The following KRTAP9-4 variants were observed in gnomAD, a reference collection of about 807,000 sequenced individuals.
KRTAP9-4 encodes the protein keratin-associated protein 9-4.
In KRTAP9-4, 8 loss-of-function variants were observed where a neutral mutation model predicts 12.7. The observed-to-expected ratio is 0.63, with a 90% CI of 0.37 to 1.14. The LOEUF is 1.14. Ranked by LOEUF, KRTAP9-4 falls within the 50% of genes most tolerant of loss-of-function variation. The pLI, the probability that KRTAP9-4 is intolerant of heterozygous loss-of-function variation, is 0.01. For synonymous variants in KRTAP9-4, 81 were observed against 67.3 expected (o/e 1.20, Z -1.00); for missense variants, 188 against 189.1 (o/e 0.99, Z 0.03).
Position 41,249,840 on chromosome 17 carries a change from C to T in KRTAP9-4, c.120C>T (p.Pro40=). The T allele has an allele frequency of 6.5e-7, 1 of 1,543,490 alleles. No homozygotes were observed. The highest frequency in any genetic ancestry group is 8.9e-7 in the Non-Finnish European group (1 of 1,123,372). ...GCAGCAGCACACCCTGCTGCCAGCC[C>T]TCCTGCTGTGTTTCCAGCTGCTGCC... is the stretch of plus-strand genomic sequence containing the variant. ...TTCSSTPCCQ[P]SCCVSSCCQP... is the part of the protein sequence containing the mutation. The change falls in exon 1 of 1, where the codon CCC becomes CCT. Residue 40 remains proline, a synonymous_variant. Transcript: ENST00000334109.
In KRTAP9-4 at chr17:41,249,712, C is replaced by G. The variant is rs2016189156; in HGVS notation, c.-9C>G. 6.3e-7 allele frequency: 1 copy of G among 1,598,368 alleles called. No homozygotes were observed. On this transcript the variant is annotated 5_prime_UTR_variant, in exon 1 of 1. Coordinates refer to ENST00000334109, the MANE Select transcript of KRTAP9-4 (RefSeq NM_033191.3). Reference sequence around the variant, plus strand: ...TCTGAACAGAAGCCCACCCTCTACCCCTGACACCATGACCCACTGTTGCTC... The same window carrying G: ...TCTGAACAGAAGCCCACCCTCTACCGCTGACACCATGACCCACTGTTGCTC...
rs2016198410 is a variant in KRTAP9-4, at chr17:41,249,985, A to G, written c.265A>G (p.Ser89Gly). ...PCCQPTCCGS[S>G]CDQSSSCAPV... ...CTGCCAGCCCACCTGCTGTGGGTCC[A>G]GCTGTGACCAGAGCAGCTCCTGTGC... The change falls in exon 1 of 1, where the codon AGC becomes GGC. Residue 89 changes from serine to glycine, a missense_variant. By Grantham distance (56) the Ser-to-Gly change is moderately conservative. Coordinates refer to ENST00000334109, the MANE Select transcript of KRTAP9-4 (RefSeq NM_033191.3). The G allele has an allele frequency of 9.9e-6, 16 of 1,613,122 alleles. No individual in the cohort carries two copies. The highest frequency in any genetic ancestry group is 2.7e-5 in the African/African-American group (2 of 74,498).
In KRTAP9-4 at chr17:41,249,896, A is replaced by C. The variant is rs878899485; in HGVS notation, c.176A>C (p.Asn59Thr). ...QPCCRPTCCQ[N>T]TCCQPTCVTS... ...TGCTGCCGCCCAACTTGCTGTCAAAACACCTGCTGCCAGCCCACCTGTGTG... is the reference window on the plus strand; with the variant it reads ...TGCTGCCGCCCAACTTGCTGTCAAACCACCTGCTGCCAGCCCACCTGTGTG... The change falls in exon 1 of 1, where the codon AAC becomes ACC. Residue 59 changes from asparagine (N) to threonine (T), a missense_variant. Asn to Thr is a moderately conservative substitution (Grantham distance 65). Transcript: ENST00000334109. 4 of 1,606,034 alleles carry C rather than the reference A, an allele frequency of 2.5e-6. No individual in the cohort carries two copies. Among genetic ancestry groups the C allele is most frequent in the African/African-American group, 1.4e-5 (1 of 72,528 alleles).
rs765265774 is a variant in KRTAP9-4 at position 41,249,776 on chromosome 17, G to T, written c.56G>T (p.Cys19Phe). ...CCTACATGCTGCAGGACCACCTGCTGCAGGACCACCTGCTGGAAGCCCACC... is the reference window on the plus strand; with the variant it reads ...CCTACATGCTGCAGGACCACCTGCTTCAGGACCACCTGCTGGAAGCCCACC... ...CQPTCCRTTC[C>F]RTTCWKPTTV... is the part of the protein sequence containing the mutation. The change falls in exon 1 of 1, where the codon TGC (cysteine) becomes TTC (phenylalanine). Residue 19 changes from cysteine to phenylalanine, a missense_variant. Cys to Phe is a radical substitution (Grantham distance 205). Transcript: ENST00000334109. The T allele has an allele frequency of 5.6e-6, 9 of 1,612,340 alleles. No homozygotes were observed. Among genetic ancestry groups the T allele is most frequent in the Middle Eastern group, 2.0e-4 (1 of 4,920 alleles).
chr17:41,250,125 T>C lies in KRTAP9-4; in HGVS notation c.405T>C (p.Cys135=). ...AGCCCTGCTGCCGCCCAGCCTGCTG[T>C]GAGACCACTTGCTTCCAGCCCACCT... ...CCQPCCRPAC[C]ETTCFQPTCV... The change falls in exon 1 of 1, where the codon TGT becomes TGC. Residue 135 remains cysteine, a synonymous_variant. Transcript: ENST00000334109. 1 of 1,614,114 alleles carries C rather than the reference T, an allele frequency of 6.2e-7. No individual in the cohort carries two copies. The highest frequency in any genetic ancestry group is 8.5e-7 in the Non-Finnish European group (1 of 1,180,004).
In KRTAP9-4 at chr17:41,250,457, A is replaced by G. The variant is rs2016211930; in HGVS notation, c.*272A>G. ...GGTCTCAGCTTTGACTCAAAAGTCAAGAGCTTCATTCTCTGCTTCTAAGGA... is the reference window on the plus strand; with the variant it reads ...GGTCTCAGCTTTGACTCAAAAGTCAGGAGCTTCATTCTCTGCTTCTAAGGA... On this transcript the variant is annotated 3_prime_UTR_variant, in exon 1 of 1. Transcript: ENST00000334109. The G allele has an allele frequency of 3.1e-6, 2 of 648,930 alleles. No individual in the cohort carries two copies. The highest frequency in any genetic ancestry group is 5.4e-6 in the Non-Finnish European group (2 of 372,268). The allele number at this position is 648,930 out of a possible 1,614,324, so 40.2% of individuals were successfully genotyped here. A position where few individuals can be genotyped will look rare whatever the true frequency, so the allele number is the denominator to read the frequency against.
Position 41,250,244 on chromosome 17 carries a change from T to C in KRTAP9-4, c.*59T>C. The C allele has an allele frequency of 1.2e-6, 2 of 1,601,266 alleles. No individual in the cohort carries two copies. Among genetic ancestry groups the C allele is most frequent in the Non-Finnish European group, 1.7e-6 (2 of 1,170,496 alleles). The stretch of plus-strand genomic sequence containing the variant: ...CAACTTTCTGCTCAACTGACTTATC[T>C]TTTGGGGGACTAATTTAATTTGCTG... On this transcript the variant is annotated 3_prime_UTR_variant, in exon 1 of 1. Coordinates refer to ENST00000334109, the MANE Select transcript of KRTAP9-4 (RefSeq NM_033191.3).
chr17:41,250,362 T>C lies in KRTAP9-4; in HGVS notation c.*177T>C. 2.5e-6 allele frequency: 2 copies of C among 791,850 alleles called. No individual in the cohort carries two copies. Among genetic ancestry groups the C allele is most frequent in the Non-Finnish European group, 4.1e-6 (2 of 490,136 alleles). 49.1% of individuals were successfully genotyped at this position (791,850 alleles called of 1,614,324 possible). A position where few individuals can be genotyped will look rare whatever the true frequency, so the allele number is the denominator to read the frequency against. On this transcript the variant is annotated 3_prime_UTR_variant, in exon 1 of 1. Transcript: ENST00000334109. ...ACTTGAGGGAGGGCAGAATACTTCA[T>C]CCTGATTCTCTTTTTCCTTACACTT...
rs2016207269 is a variant in KRTAP9-4, at chr17:41,250,271, T to A, written c.*86T>A. On this transcript the variant is annotated 3_prime_UTR_variant, in exon 1 of 1. Transcript: ENST00000334109. ...TTGGGGGACTAATTTAATTTGCTGC[T>A]GACAGCCACCATGCTCTCACCCAAA... 4 of 1,552,152 alleles carry A rather than the reference T, an allele frequency of 2.6e-6. No homozygotes were observed. The highest frequency in any genetic ancestry group is 3.4e-4 in the Middle Eastern group (2 of 5,818).
rs371244902 is a variant in KRTAP9-4 at position 41,250,287 on chromosome 17, C to G, written c.*102C>G. ...ATTTGCTGCTGACAGCCACCATGCT[C>G]TCACCCAAATTTTTATGAATTCTCT... On this transcript the variant is annotated 3_prime_UTR_variant, in exon 1 of 1. Transcript: ENST00000334109. 16 of 1,314,728 alleles carry G rather than the reference C, an allele frequency of 1.2e-5. No homozygotes were observed. In the South Asian group the frequency reaches 1.4e-4, roughly 11 times the overall value. 81.4% of individuals were successfully genotyped at this position (1,314,728 alleles called of 1,614,324 possible).
rs1159115263 is a variant in KRTAP9-4, at chr17:41,249,833, G to A, written c.113G>A (p.Cys38Tyr). The change falls in exon 1 of 1, where the codon TGC (cysteine) becomes TAC (tyrosine). Residue 38 changes from cysteine (C) to tyrosine (Y), a missense_variant. Transcript: ENST00000334109. ...ACCACCTGCAGCAGCACACCCTGCT[G>A]CCAGCCCTCCTGCTGTGTTTCCAGC... ...TVTTCSSTPC[C>Y]QPSCCVSSCC... 1 of 1,542,154 alleles carries A rather than the reference G, an allele frequency of 6.5e-7. No homozygotes were observed. Among genetic ancestry groups the A allele is most frequent in the East Asian group, 2.3e-5 (1 of 43,146 alleles).
chr17:41,250,423 T>G lies in KRTAP9-4; in HGVS notation c.*238T>G. On this transcript the variant is annotated 3_prime_UTR_variant, in exon 1 of 1. Coordinates refer to ENST00000334109, the MANE Select transcript of KRTAP9-4 (RefSeq NM_033191.3). ...GTGCCAGCTTCGTGTGTTCTCAATT[T>G]TGAGTCATGGTCTCAGCTTTGACTC... 1 of 696,360 alleles carries G rather than the reference T, an allele frequency of 1.4e-6. No individual in the cohort carries two copies. 43.1% of individuals were successfully genotyped at this position (696,360 alleles called of 1,614,324 possible). A position where few individuals can be genotyped will look rare whatever the true frequency, so the allele number is the denominator to read the frequency against.
rs763336196 is a variant in KRTAP9-4, at chr17:41,250,050, T to C, written c.330T>C (p.Thr110=). 6 of 1,613,512 alleles carry C rather than the reference T, an allele frequency of 3.7e-6. No individual in the cohort carries two copies. In the East Asian group the frequency reaches 6.7e-5, roughly 18 times the overall value. Residue 110 remains threonine (T), a synonymous_variant, in exon 1 of 1, where the codon ACT becomes ACC. Coordinates refer to ENST00000334109, the MANE Select transcript of KRTAP9-4 (RefSeq NM_033191.3). The part of the protein sequence containing the change: ...YCRRTCYYPT[T]VCLPGCLNQS... ...GAAGAACCTGCTACTACCCCACAAC[T>C]GTCTGCCTGCCTGGTTGCCTAAACC...
Position 41,250,148 on chromosome 17 carries a change from C to G in KRTAP9-4, c.428C>G (p.Thr143Ser). The G allele has an allele frequency of 1.9e-6, 3 of 1,614,250 alleles. No homozygotes were observed. The highest frequency in any genetic ancestry group is 2.5e-6 in the Non-Finnish European group (3 of 1,180,044). Residue 143 changes from threonine to serine, a missense_variant, in exon 1 of 1, where the codon ACC (threonine) becomes AGC (serine). Transcript: ENST00000334109. ...ACCETTCFQP[T>S]CVSSCCQPFC... ...TGTGAGACCACTTGCTTCCAGCCCA[C>G]CTGTGTGTCCAGCTGCTGTCAGCCT...
rs267604862 is a variant in KRTAP9-4 at position 41,249,738 on chromosome 17, C to T, written c.18C>T (p.Ser6=). ...CTGACACCATGACCCACTGTTGCTC[C>T]CCTTGCTGTCAGCCTACATGCTGCA... is the stretch of plus-strand genomic sequence containing the variant. MTHCC[S]PCCQPTCCRT... The change falls in exon 1 of 1, where the codon TCC becomes TCT. Residue 6 remains serine (S), a synonymous_variant. Transcript: ENST00000334109. The T allele has an allele frequency of 1.8e-5, 29 of 1,611,636 alleles. No homozygotes were observed. Among genetic ancestry groups the T allele is most frequent in the Non-Finnish European group, 2.5e-5 (29 of 1,179,602 alleles).
rs751089889 is a variant in KRTAP9-4 at position 41,249,949 on chromosome 17, A to C, written c.229A>C (p.Ser77Arg). ...VTSCCQPSCC[S>R]TPCCQPTCCG... The stretch of plus-strand genomic sequence containing the variant: ...CAGCTGCTGCCAGCCTTCCTGCTGC[A>C]GCACACCCTGCTGCCAGCCCACCTG... The change falls in exon 1 of 1, where the codon AGC (serine) becomes CGC (arginine). Residue 77 changes from serine to arginine, a missense_variant. Transcript: ENST00000334109. 6.2e-6 allele frequency: 10 copies of C among 1,602,206 alleles called. No homozygotes were observed. The East Asian group carries it at 2.3e-4, about 36-fold the overall frequency.
Position 41,250,510 on chromosome 17 carries a change from T to C in KRTAP9-4, c.*325T>C, listed in dbSNP as rs1487907612. The stretch of plus-strand genomic sequence containing the variant: ...TTAGGTTTCTGCAACTGATCAATAA[T>C]CTTTGCAATCATATTTTTGTTTTCA... On this transcript the variant is annotated 3_prime_UTR_variant, in exon 1 of 1. Transcript: ENST00000334109. 15 of 571,998 alleles carry C rather than the reference T, an allele frequency of 2.6e-5. No individual in the cohort carries two copies. The highest frequency in any genetic ancestry group is 2.3e-4 in the African/African-American group (12 of 53,302). 35.4% of individuals were successfully genotyped at this position (571,998 alleles called of 1,614,324 possible). A position where few individuals can be genotyped will look rare whatever the true frequency, so the allele number is the denominator to read the frequency against.
chr17:41,249,791 G>A, the KRTAP9-4 span: 250 of 1,612,632 alleles, frequency 1.6e-4, no homozygotes, highest in Middle Eastern at 4.0e-4. Context: ...ACCACCTGCT[G>A]GAAGCCCACC....
At position 41,250,517 on chromosome 17, in the gene KRTAP9-4, AATC is replaced by A. The variant is rs1216987730; in HGVS notation, c.*335_*337del. On this transcript the variant is annotated 3_prime_UTR_variant, in exon 1 of 1. Coordinates refer to ENST00000334109, the MANE Select transcript of KRTAP9-4 (RefSeq NM_033191.3). ...TCTGCAACTGATCAATAATCTTTGC[AATC>A]ATATTTTTGTTTTCAATATCCTCCT... 2 of 559,374 alleles carry A rather than the reference AATC, an allele frequency of 3.6e-6. No homozygotes were observed. Among genetic ancestry groups the A allele is most frequent in the Non-Finnish European group, 6.5e-6 (2 of 309,696 alleles). 34.7% of individuals were successfully genotyped at this position (559,374 alleles called of 1,614,324 possible).
Sources: gnomAD v4.1 joint callset for allele counts on GRCh38, gnomAD v4.1.1 for gene constraint, MANE v1.5 for transcripts, NCBI Gene and HGNC (gene_info 2026-07-23, HGNC 2026-07-21) for gene names.